Variants in FBXO28 observed in about 807,000 individuals in gnomAD.
The protein encoded by FBXO28 is F-box protein 28.
In FBXO28, 8 loss-of-function variants were observed where a neutral mutation model predicts 38.1. That is an observed-to-expected ratio of 0.21 (90% CI 0.12 to 0.38). The LOEUF (loss-of-function observed/expected upper bound fraction) is 0.38, where lower values mean the gene tolerates loss of function less well. FBXO28 is among the 10% of genes least tolerant of loss of function. FBXO28 has a pLI of 1.00. For missense variants in FBXO28, 345 were observed against 460.6 expected, an observed-to-expected ratio of 0.75 and a Z score of 2.30; for synonymous variants, 168 against 173.8, an observed-to-expected ratio of 0.97 and a Z score of 0.26.
At chr1:224,147,856 A>G (rs1657549068) in intron 3 of FBXO28, among the ~76,000 whole-genome samples, 1 of 151,338 alleles carries the variant, frequency 6.6e-6, no homozygotes, top group Non-Finnish European at 1.5e-5. Flanking sequence ...GATTAAATCT[A>G]CTCAGAAAAT....
intron 3 of FBXO28, among the ~76,000 whole-genome samples, chr1:224,142,730 G>A (rs1657390375): frequency 6.6e-6 from 1 of 152,056 alleles, no homozygotes; most frequent in Non-Finnish European, 1.5e-5. Flanking sequence ...CAGGTGGATT[G>A]CCTGTGCTTA....
chr1:224,144,944 T>TAA (rs947776474), intron 3 of FBXO28, among the ~76,000 whole-genome samples: 28 of 152,190 alleles, frequency 1.8e-4, no homozygotes, highest in African/African-American at 6.7e-4. Flanking sequence ...TAATCTTTCT[T>TAA]AAATGTGTGT....
intron 3 of FBXO28, among the ~76,000 whole-genome samples, chr1:224,135,240 T>G (rs6685783): frequency 6.6e-6 from 1 of 151,928 alleles, no homozygotes; most frequent in Non-Finnish European, 1.5e-5. Context: ...TGAATCTGAC[T>G]TAAAGGCCTT....
At chr1:224,124,313 A>T (rs550090284) in intron 1 of FBXO28, among the ~76,000 whole-genome samples, 1 of 152,306 alleles carries the variant, frequency 6.6e-6, no homozygotes, top group African/African-American at 2.4e-5. Context: ...AGCCCAAGCT[A>T]TATCTTTGTT....
rs1382456574 is a variant in FBXO28, at chr1:224,161,100, A to G, written c.*3354A>G. 5.3e-5 allele frequency: 8 copies of G among 152,186 alleles called. No homozygotes were observed. Among genetic ancestry groups the G allele is most frequent in the Admixed American group, 5.2e-4 (8 of 15,270 alleles). The allele number at this position is 152,186 out of a possible 1,614,324, so 9.4% of individuals were successfully genotyped here. A position where few individuals can be genotyped will look rare whatever the true frequency, so the allele number is the denominator to read the frequency against. ...TATTCTTAATAAACTTTTTCCTGAG[A>G]CAGGGCACTTAATTCTATTTTACTA... is the stretch of plus-strand genomic sequence containing the variant. On this transcript the variant is annotated 3_prime_UTR_variant, in exon 5 of 5. Transcript: ENST00000366862.
chr1:224,119,140 T>TTC (rs1243564090), intron 1 of FBXO28, among the ~76,000 whole-genome samples: 3 of 137,000 alleles, frequency 2.2e-5, no homozygotes, highest in Admixed American at 7.3e-5. Flanking sequence ...TTTTTCTTTT[T>TTC]TTTTTTTTTT....
At chr1:224,136,101 G>GTTCTTTT (rs1657176694) in intron 3 of FBXO28, among the ~76,000 whole-genome samples, 1 of 75,114 alleles carries the variant, frequency 1.3e-5, no homozygotes, top group African/African-American at 5.6e-5. Flanking sequence ...GTTGACTTCA[G>GTTCTTTT]TTTTTTTTTT....
chr1:224,154,072 G>T (rs1416379806), intron 4 of FBXO28, among the ~76,000 whole-genome samples: 1 of 152,078 alleles, frequency 6.6e-6, no homozygotes, highest in Non-Finnish European at 1.5e-5. Flanking sequence ...ATTTACAATG[G>T]GGTTACATCC....
chr1:224,141,844 G>A (rs970350576), intron 3 of FBXO28, among the ~76,000 whole-genome samples: 2 of 151,966 alleles, frequency 1.3e-5, no homozygotes, highest in Non-Finnish European at 2.9e-5. Flanking sequence ...TGAAAGCCTA[G>A]GACATTACTG....
At chr1:224,129,853 G>C (rs527956374) in intron 1 of FBXO28, among the ~76,000 whole-genome samples, 12 of 152,296 alleles carry the variant, frequency 7.9e-5, no homozygotes, top group South Asian at 2.1e-4. Context: ...AGCCGGGCGT[G>C]GTGGCGGGCA....
At chr1:224,120,198 G>A (rs1656739704) in intron 1 of FBXO28, among the ~76,000 whole-genome samples, 7 of 152,162 alleles carry the variant, frequency 4.6e-5, no homozygotes, top group Admixed American at 4.6e-4. Flanking sequence ...ACCTTTAACA[G>A]AGGTTTCCCT....
chr1:224,123,442 CAAAAAAAAAA>C (rs10647785), intron 1 of FBXO28, among the ~76,000 whole-genome samples: 2 of 64,294 alleles, frequency 3.1e-5, no homozygotes, highest in South Asian at 1.5e-3. Context: ...GACCCTGTCT[CAAAAAAAAAA>C]AAAAAAAAAA....
At chr1:224,145,593 G>A (rs1657482124) in intron 3 of FBXO28, among the ~76,000 whole-genome samples, 1 of 152,070 alleles carries the variant, frequency 6.6e-6, no homozygotes, top group Non-Finnish European at 1.5e-5. Context: ...ACATCATGAT[G>A]CAGCACATAA....
intron 1 of FBXO28, among the ~76,000 whole-genome samples, chr1:224,121,916 C>T (rs181231674): frequency 4.8e-4 from 73 of 152,226 alleles, no homozygotes; most frequent in African/African-American, 1.7e-3. Flanking sequence ...GCTGGGATTA[C>T]AGGCCTGCAC....
chr1:224,118,666 G>T (rs768502799), intron 1 of FBXO28, among the ~76,000 whole-genome samples: 1 of 151,818 alleles, frequency 6.6e-6, no homozygotes, highest in Non-Finnish European at 1.5e-5. Flanking sequence ...TATAGAGTGG[G>T]TTGGTTGGTA....
intron 3 of FBXO28, among the ~76,000 whole-genome samples, chr1:224,140,317 TC>T (rs1657313285): frequency 6.6e-6 from 1 of 152,178 alleles, no homozygotes; most frequent in Non-Finnish European, 1.5e-5. Context: ...ATAATACTCT[TC>T]CTAGCAATTT....
intron 1 of FBXO28, among the ~76,000 whole-genome samples, chr1:224,126,281 A>G (rs1656902342): frequency 6.6e-6 from 1 of 152,244 alleles, no homozygotes; most frequent in Non-Finnish European, 1.5e-5. Flanking sequence ...CCTAGAAGTT[A>G]GCTAGATTCA....
Position 224,130,468 on chromosome 1 carries a change from G to A in FBXO28, c.268-4G>A. 4 of 1,604,172 alleles carry A rather than the reference G, an allele frequency of 2.5e-6. No homozygotes were observed. The highest frequency in any genetic ancestry group is 2.6e-6 in the Non-Finnish European group (3 of 1,172,198). ...TTGATTTTTGTTCTTTTTTCTCCTT[G>A]AAGGTTTGTAAAAGAATGGACTTGG... On this transcript the variant is annotated splice_region_variant and splice_polypyrimidine_tract_variant and intron_variant, in intron 1 of 4. Transcript: ENST00000366862.
intron 1 of FBXO28, 152 bp downstream of exon 1, chr1:224,114,548 G>A (rs866945959): frequency 5.9e-6 from 4 of 678,790 alleles, no homozygotes; most frequent in Non-Finnish European, 7.4e-6. Flanking sequence ...ACTCTCCCTT[G>A]GCGTCAGTCA....
Sources: gnomAD v4.1 joint callset for allele counts (sites outside exome capture counted in the v4.1 genomes callset) on GRCh38, gnomAD v4.1.1 for gene constraint, MANE v1.5 for transcripts, NCBI Gene and HGNC (gene_info 2026-07-23, HGNC 2026-07-21) for gene names.